The following ERAP1 variants were observed in gnomAD, a reference collection of about 807,000 sequenced individuals.
The protein encoded by ERAP1 is endoplasmic reticulum aminopeptidase 1, also known as adipocyte-derived leucine aminopeptidase.
In ERAP1, 86 loss-of-function variants were observed where a neutral mutation model predicts 103.7. The ratio of observed to expected loss-of-function variants is 0.83; its 90% CI spans 0.70 to 0.99. ERAP1 has a LOEUF of 0.99. ERAP1 is among the 50% of genes least tolerant of loss of function. The pLI is 0.00. For synonymous variants in ERAP1, 398 were observed against 402.4 expected (o/e 0.99, Z 0.13); for missense variants, 1,009 against 1,128.4 (o/e 0.89, Z 1.52).
chr5:96,795,173 A>G lies in ERAP1; in HGVS notation c.799-11T>C, dbSNP rs1309855052. The G allele has an allele frequency of 8.1e-6, 13 of 1,612,932 alleles. No homozygotes were observed. Among genetic ancestry groups the G allele is most frequent in the Non-Finnish European group, 1.0e-5 (12 of 1,179,860 alleles). On this transcript the variant is annotated splice_polypyrimidine_tract_variant and intron_variant, in intron 4 of 18. Transcript: ENST00000443439. The stretch of plus-strand genomic sequence containing the variant: ...AGCATAAACAGAAACCTAAAGAGAA[A>G]GGCACAGAAAGGAATTCAAATATCT...
Position 96,774,736 on chromosome 5 carries a change from A to G in ERAP1, c.*1660T>C, listed in dbSNP as rs1242071202. 7.1e-6 allele frequency: 7 copies of G among 983,480 alleles called. No individual in the cohort carries two copies. The highest frequency in any genetic ancestry group is 8.5e-6 in the Non-Finnish European group (7 of 828,134). The allele number at this position is 983,480 out of a possible 1,614,324, so 60.9% of individuals were successfully genotyped here. On this transcript the variant is annotated 3_prime_UTR_variant, in exon 19 of 19. Coordinates refer to ENST00000443439, the MANE Select transcript of ERAP1 (RefSeq NM_001040458.3). ...GGGAAATAGTTTAGTTTGGGGTGGAAATTACCAGTGATTTCTATTTTTATT... is the reference window on the plus strand; with the variant it reads ...GGGAAATAGTTTAGTTTGGGGTGGAGATTACCAGTGATTTCTATTTTTATT...
upstream of ERAP1, chr5:96,808,183 GATCCGTGTGTGTGTGTGT>G (rs1353152106): frequency 1.1e-6 from 1 of 920,660 alleles, no homozygotes; most frequent in Non-Finnish European, 1.2e-6. Context: ...TCTGAACGCG[GATCCGTGTGTGTGTGTGT>G]GTGTGTGTGT....
the ERAP1 span, chr5:96,884,046 CTA>C: frequency 2.8e-6 from 1 of 355,928 alleles, no homozygotes; most frequent in African/African-American, 2.6e-5. Flanking sequence ...ATCTATCTAT[CTA>C]TCTATCTATC....
the ERAP1 span, among the ~76,000 whole-genome samples, chr5:96,877,557 TA>T: frequency 2.6e-5 from 4 of 152,258 alleles, no homozygotes; most frequent in Non-Finnish European, 5.9e-5. Flanking sequence ...TTATTTCATT[TA>T]ATCATCCCAG....
chr5:96,863,464 G>A, the ERAP1 span, among the ~76,000 whole-genome samples: 1 of 152,016 alleles, frequency 6.6e-6, no homozygotes, highest in African/African-American at 2.4e-5. Flanking sequence ...CCTTTCATTT[G>A]TGTCTCCTGA....
chr5:96,778,201 G>C (rs995198767), intron 18 of ERAP1, among the ~76,000 whole-genome samples: 1 of 152,162 alleles, frequency 6.6e-6, no homozygotes. Context: ...ATGCAGCAGT[G>C]AATCAGGCAA....
intron 15 of ERAP1, 99 bp from the exon 16 acceptor site, chr5:96,781,953 T>C: frequency 8.8e-7 from 1 of 1,142,114 alleles, no homozygotes; most frequent in Non-Finnish European, 1.3e-6. Flanking sequence ...TTCCCCATGA[T>C]CAGAGAAGCA....
the ERAP1 span, among the ~76,000 whole-genome samples, chr5:96,828,392 C>A: frequency 6.6e-6 from 1 of 151,958 alleles, no homozygotes; most frequent in Non-Finnish European, 1.5e-5. Context: ...ATAATATTTG[C>A]CAGTCACTTT....
rs967095353 is a variant in ERAP1, at chr5:96,774,729, G to C, written c.*1667C>G. Reference sequence around the variant, plus strand: ...AAAAGAAGGGAAATAGTTTAGTTTGGGGTGGAAATTACCAGTGATTTCTAT... The same window carrying C: ...AAAAGAAGGGAAATAGTTTAGTTTGCGGTGGAAATTACCAGTGATTTCTAT... On this transcript the variant is annotated 3_prime_UTR_variant, in exon 19 of 19. Coordinates refer to ENST00000443439, the MANE Select transcript of ERAP1 (RefSeq NM_001040458.3). The C allele has an allele frequency of 5.7e-5, 56 of 982,474 alleles. No individual in the cohort carries two copies. The highest frequency in any genetic ancestry group is 6.6e-5 in the Non-Finnish European group (55 of 827,352). The allele number at this position is 982,474 out of a possible 1,614,324, so 60.9% of individuals were successfully genotyped here. A position where few individuals can be genotyped will look rare whatever the true frequency, so the allele number is the denominator to read the frequency against.
chr5:96,925,618 G>A, the ERAP1 span, among the ~76,000 whole-genome samples: 1 of 152,180 alleles, frequency 6.6e-6, no homozygotes, highest in East Asian at 1.9e-4. Flanking sequence ...GGGGAACAAT[G>A]CCCAGAAATC....
chr5:96,879,412 G>A, the ERAP1 span, among the ~76,000 whole-genome samples: 1 of 152,158 alleles, frequency 6.6e-6, no homozygotes, highest in African/African-American at 2.4e-5. Context: ...CCAGATAACA[G>A]CTTAATTTCT....
the ERAP1 span, among the ~76,000 whole-genome samples, chr5:96,914,694 A>G: frequency 6.6e-6 from 1 of 152,182 alleles, no homozygotes; most frequent in African/African-American, 2.4e-5. Context: ...TTTGACCTGT[A>G]GTACAAGTTT....
chr5:96,898,747 C>G, the ERAP1 span, among the ~76,000 whole-genome samples: 1 of 151,736 alleles, frequency 6.6e-6, no homozygotes, highest in Middle Eastern at 3.2e-3. Context: ...TAAAACAAAA[C>G]AAAACAAACA....
chr5:96,846,478 TGAGGGG>T, the ERAP1 span, among the ~76,000 whole-genome samples: 2 of 152,216 alleles, frequency 1.3e-5, no homozygotes, highest in African/African-American at 4.8e-5. Context: ...TTGTAGCTGC[TGAGGGG>T]ATTTCAATGT....
rs762311155 is a variant in ERAP1 at position 96,775,102 on chromosome 5, T to C, written c.*1294A>G. 4.1e-5 allele frequency: 40 copies of C among 985,412 alleles called. No individual in the cohort carries two copies. Among genetic ancestry groups the C allele is most frequent in the Non-Finnish European group, 4.8e-5 (40 of 829,936 alleles). 61.0% of individuals were successfully genotyped at this position (985,412 alleles called of 1,614,324 possible). On this transcript the variant is annotated 3_prime_UTR_variant, in exon 19 of 19. Transcript: ENST00000443439. ...TTAGATAAGTCCCTGTGTAGCAAGT[T>C]TTCAGAATAAGAAATAAAATCTAAT...
chr5:96,932,604 C>T, the ERAP1 span, among the ~76,000 whole-genome samples: 4 of 152,142 alleles, frequency 2.6e-5, no homozygotes, highest in African/African-American at 9.7e-5. Flanking sequence ...CATGTCTGCT[C>T]GTGGATTGTG....
rs3076633 is a variant in ERAP1, at chr5:96,798,324, C to CAA, written c.664-1017_664-1016dup. Among the ~76,000 whole-genome samples the CAA allele has an allele frequency of 1.2e-3, 90 of 76,310 alleles. 3 individuals carry two copies. Among genetic ancestry groups the CAA allele is most frequent in the Admixed American group, 2.7e-3 (16 of 5,918 alleles). 50.1% of individuals were successfully genotyped at this position (76,310 alleles called of 152,430 possible). On this transcript the variant is annotated intron_variant, in intron 3 of 18. Coordinates refer to ENST00000443439, the MANE Select transcript of ERAP1 (RefSeq NM_001040458.3). ...TGGATGACAGAGCGAGACTCCATCT[C>CAA]AAAAAAAAAAAAAAAAAAAGATTTG...
chr5:96,909,155 ACAG>A, the ERAP1 span: 2 of 1,597,322 alleles, frequency 1.3e-6, no homozygotes, highest in East Asian at 2.2e-5. Flanking sequence ...AAGTAAATAC[ACAG>A]TGTCTGGAGT....
At chr5:96,894,964 C>A in the ERAP1 span, among the ~76,000 whole-genome samples, 4 of 151,724 alleles carry the variant, frequency 2.6e-5, no homozygotes, top group Admixed American at 2.6e-4. Flanking sequence ...AATATTAAAT[C>A]TAATAACTAG....
Sources: gnomAD v4.1 joint callset for allele counts (sites outside exome capture counted in the v4.1 genomes callset) on GRCh38, gnomAD v4.1.1 for gene constraint, MANE v1.5 for transcripts, NCBI Gene and HGNC (gene_info 2026-07-23, HGNC 2026-07-21) for gene names.